SEC24A: variants seen among roughly 807,000 people sequenced by gnomAD.
SEC24A encodes the protein SEC24 homolog A, COPII component, also known as protein transport protein Sec24A.
Under a neutral mutation model 129.4 loss-of-function variants are expected in SEC24A, and 93 were observed. The ratio of observed to expected loss-of-function variants is 0.72; its 90% CI spans 0.61 to 0.85. The LOEUF (loss-of-function observed/expected upper bound fraction) is 0.85, where lower values mean the gene tolerates loss of function less well. Ranked by LOEUF, SEC24A falls within the 40% of genes least tolerant of loss-of-function variation. The probability of loss-of-function intolerance (pLI) is 0.00; values close to 1 mark genes in which losing one functional copy is unlikely to be tolerated. For synonymous variants in SEC24A, 460 were observed against 467.3 expected, an observed-to-expected ratio of 0.98 and a Z score of 0.20; for missense variants, 1,264 against 1,307.4, an observed-to-expected ratio of 0.97 and a Z score of 0.51.
Position 134,686,871 on chromosome 5 carries a change from G to C in SEC24A, c.1573G>C (p.Val525Leu). 1 of 1,606,872 alleles carries C rather than the reference G, an allele frequency of 6.2e-7. No individual in the cohort carries two copies. Among genetic ancestry groups the C allele is most frequent in the Middle Eastern group, 1.7e-4 (1 of 6,044 alleles). Residue 525 changes from valine to leucine, a missense_variant, in exon 10 of 23, where the codon GTT (valine) becomes CTT (leucine). Transcript: ENST00000398844. Reference sequence around the variant, plus strand: ...AGTCGAAACTGGATACTTGAATTCAGTTTGCCAGAGTTTGTTAGACAATCT... The same window carrying C: ...AGTCGAAACTGGATACTTGAATTCACTTTGCCAGAGTTTGTTAGACAATCT... ...NAVETGYLNS[V>L]CQSLLDNLDL...
chr5:134,658,481 G>A (rs1750327220), intron 1 of SEC24A, among the ~76,000 whole-genome samples: 1 of 152,094 alleles, frequency 6.6e-6, no homozygotes, highest in African/African-American at 2.4e-5. Flanking sequence ...GCTCACTGAA[G>A]TCAAACTCCT....
At chr5:134,681,442 T>TG (rs1403955952) in intron 8 of SEC24A, among the ~76,000 whole-genome samples, 2 of 143,698 alleles carry the variant, frequency 1.4e-5, no homozygotes, top group African/African-American at 5.1e-5. Context: ...GTTTTATTGT[T>TG]TGTGTGTGTG....
At chr5:134,664,953 C>A (rs993865701) in intron 2 of SEC24A, among the ~76,000 whole-genome samples, 6 of 151,418 alleles carry the variant, frequency 4.0e-5, no homozygotes, top group African/African-American at 1.2e-4. Context: ...CATGCGCCAC[C>A]ACGCCCAGCT....
intron 2 of SEC24A, among the ~76,000 whole-genome samples, chr5:134,663,210 C>T (rs777811102): frequency 1.1e-4 from 16 of 152,112 alleles, no homozygotes; most frequent in African/African-American, 2.6e-4. Context: ...CCTGAGTAGG[C>T]GTGCCACAGT....
intron 15 of SEC24A, among the ~76,000 whole-genome samples, chr5:134,699,696 C>CTT (rs746836417): frequency 0.012 from 1,384 of 112,468 alleles, 9 homozygotes; most frequent in African/African-American, 0.023. Flanking sequence ...TTTGTACTCT[C>CTT]TTTTTTTTTT....
chr5:134,678,820 T>G (rs754757079), intron 7 of SEC24A, among the ~76,000 whole-genome samples: 1 of 152,156 alleles, frequency 6.6e-6, no homozygotes, highest in Non-Finnish European at 1.5e-5. Flanking sequence ...GACCTCGCGT[T>G]CCACCCGCCT....
At chr5:134,685,499 A>G (rs1257406966) in intron 9 of SEC24A, among the ~76,000 whole-genome samples, 2 of 152,208 alleles carry the variant, frequency 1.3e-5, no homozygotes, top group African/African-American at 2.4e-5. Context: ...TGCATAGGTT[A>G]TATGCAAATA....
Position 134,649,021 on chromosome 5 carries a change from G to C in SEC24A, c.-56G>C, listed in dbSNP as rs1749954300. 7.7e-7 allele frequency: 1 copy of C among 1,306,598 alleles called. No homozygotes were observed. 80.9% of individuals were successfully genotyped at this position (1,306,598 alleles called of 1,614,324 possible). A position where few individuals can be genotyped will look rare whatever the true frequency, so the allele number is the denominator to read the frequency against. ...CTCCGCTTTCAGCAGTGGTCTTTCAGCTCTCTTCTTGTGCGCTGTTGTCGA... is the reference window on the plus strand; with the variant it reads ...CTCCGCTTTCAGCAGTGGTCTTTCACCTCTCTTCTTGTGCGCTGTTGTCGA... On this transcript the variant is annotated 5_prime_UTR_variant, in exon 1 of 23. Transcript: ENST00000398844.
intron 19 of SEC24A, among the ~76,000 whole-genome samples, chr5:134,716,295 T>C (rs1215758988): frequency 6.6e-6 from 1 of 151,592 alleles, no homozygotes; most frequent in Non-Finnish European, 1.5e-5. Context: ...ACCCTGCCTC[T>C]AATAAAAATA....
At chr5:134,649,740 ACTTC>A (rs1296109800) in intron 1 of SEC24A, among the ~76,000 whole-genome samples, 1 of 152,160 alleles carries the variant, frequency 6.6e-6, no homozygotes, top group Non-Finnish European at 1.5e-5. Flanking sequence ...CTCCTGGTTG[ACTTC>A]TAGATGTCTG....
chr5:134,720,429 C>T (rs1309058117), intron 20 of SEC24A, among the ~76,000 whole-genome samples: 2 of 152,192 alleles, frequency 1.3e-5, no homozygotes, highest in African/African-American at 4.8e-5. Flanking sequence ...ACACGTTTCT[C>T]AGCATGTATC....
chr5:134,692,761 A>G, intron 12 of SEC24A, 104 bp downstream of exon 12: 1 of 804,570 alleles, frequency 1.2e-6, no homozygotes, highest in South Asian at 1.5e-5. Context: ...TGACATTTCT[A>G]AGATGTGTAG....
At chr5:134,653,810 A>C (rs1750146925) in intron 1 of SEC24A, among the ~76,000 whole-genome samples, 1 of 152,056 alleles carries the variant, frequency 6.6e-6, no homozygotes, top group African/African-American at 2.4e-5. Context: ...GCAGTGAGCT[A>C]CAATTGCACA....
chr5:134,666,066 A>G (rs1033111337), intron 2 of SEC24A, among the ~76,000 whole-genome samples: 5 of 152,064 alleles, frequency 3.3e-5, no homozygotes, highest in African/African-American at 9.7e-5. Context: ...CAGGAGGATC[A>G]CTGGAGCACC....
At chr5:134,671,980 G>A (rs1225733300) in intron 4 of SEC24A, 94 bp downstream of exon 4, 3 of 762,368 alleles carry the variant, frequency 3.9e-6, no homozygotes, top group Non-Finnish European at 6.6e-6. Flanking sequence ...AACTAAGAGG[G>A]AAACTTCATA....
chr5:134,689,708 A>G (rs1249278041), intron 11 of SEC24A, among the ~76,000 whole-genome samples: 11 of 151,840 alleles, frequency 7.2e-5, no homozygotes, highest in Non-Finnish European at 5.9e-5. Context: ...AGCTTGCAGC[A>G]AGCCGAGATC....
chr5:134,705,086 ATATATTTT>A (rs1157766674), intron 16 of SEC24A, among the ~76,000 whole-genome samples: 1 of 129,618 alleles, frequency 7.7e-6, no homozygotes, highest in South Asian at 2.6e-4. Context: ...ATATATATAT[ATATATTTT>A]TTTTTTTTTA....
chr5:134,688,154 A>C, intron 10 of SEC24A, 27 bp from the exon 11 acceptor site: 1 of 1,284,546 alleles, frequency 7.8e-7, no homozygotes, highest in Non-Finnish European at 1.1e-6. Flanking sequence ...AAAACTTGAT[A>C]AAATACTCTT....
chr5:134,707,405 C>T (rs1428972745), intron 17 of SEC24A, among the ~76,000 whole-genome samples: 1 of 151,828 alleles, frequency 6.6e-6, no homozygotes, highest in Non-Finnish European at 1.5e-5. Context: ...TCTCGGCTCA[C>T]TGCAACCTCC....
Sources: gnomAD v4.1 joint callset for allele counts (sites outside exome capture counted in the v4.1 genomes callset) on GRCh38, gnomAD v4.1.1 for gene constraint, MANE v1.5 for transcripts, NCBI Gene and HGNC (gene_info 2026-07-23, HGNC 2026-07-21) for gene names.